NAV2: variants seen among roughly 807,000 people sequenced by gnomAD.
NAV2 encodes helicase, APC down-regulated 1.
In NAV2, 54 loss-of-function variants were observed where a neutral mutation model predicts 223.2. The observed-to-expected ratio is 0.24, with a 90% confidence interval of 0.19 to 0.30. The LOEUF (loss-of-function observed/expected upper bound fraction) is 0.30. NAV2 is among the 10% of genes least tolerant of loss of function. The probability of loss-of-function intolerance (pLI) is 1.00; values close to 1 mark genes in which losing one functional copy is unlikely to be tolerated. For synonymous variants in NAV2, 1,279 were observed against 1,239.3 expected (o/e 1.03, Z -0.67); for missense variants, 2,806 against 3,147.5 (o/e 0.89, Z 2.60).
chr11:19,896,290 T>C (rs1483767010), intron 6 of NAV2, among the ~76,000 whole-genome samples: 1 of 152,170 alleles, frequency 6.6e-6, no homozygotes, highest in Non-Finnish European at 1.5e-5. Context: ...CTTGCAAAAT[T>C]GAAACTCGGT....
intron 22 of NAV2, among the ~76,000 whole-genome samples, chr11:20,072,037 C>A (rs2059436856): frequency 6.6e-6 from 1 of 152,086 alleles, no homozygotes; most frequent in Non-Finnish European, 1.5e-5. Flanking sequence ...AATAGTATTG[C>A]CTAGGTTTTC....
At position 20,095,637 on chromosome 11, in the gene NAV2, C is replaced by G. The variant is rs963839891; in HGVS notation, c.5917-35C>G. The G allele has an allele frequency of 2.0e-6, 3 of 1,469,026 alleles. No homozygotes were observed. In the East Asian group the frequency reaches 6.8e-5, roughly 34 times the overall value. 91.0% of individuals were successfully genotyped at this position (1,469,026 alleles called of 1,614,324 possible). On this transcript the variant is annotated intron_variant, in intron 29 of 37. Coordinates refer to ENST00000349880, the MANE Select transcript of NAV2 (RefSeq NM_145117.5). ...CTGAACTGAGTCAGAAAAGATCCACCTGTTTTTCACCTGTGTACATTTCCT... is the reference window on the plus strand; with the variant it reads ...CTGAACTGAGTCAGAAAAGATCCACGTGTTTTTCACCTGTGTACATTTCCT...
intron 1 of NAV2, among the ~76,000 whole-genome samples, chr11:19,378,070 C>T (rs1429866697): frequency 6.6e-6 from 1 of 152,168 alleles, no homozygotes; most frequent in Non-Finnish European, 1.5e-5. Flanking sequence ...CAAACAGCTC[C>T]TCTCCAGAGA....
At chr11:19,554,322 G>A (rs1049315624) in intron 1 of NAV2, among the ~76,000 whole-genome samples, 1 of 152,220 alleles carries the variant, frequency 6.6e-6, no homozygotes, top group Non-Finnish European at 1.5e-5. Context: ...AGCCAGGATT[G>A]AGTTTGGGCT....
chr11:19,503,510 G>A (rs371703439), intron 1 of NAV2: 1 of 152,128 alleles, frequency 6.6e-6, no homozygotes, highest in Non-Finnish European at 1.5e-5. Context: ...GGTCTCCATA[G>A]TTTGGCCTTC....
chr11:20,071,501 T>C (rs1169580236), intron 22 of NAV2, among the ~76,000 whole-genome samples: 1 of 152,194 alleles, frequency 6.6e-6, no homozygotes, highest in African/African-American at 2.4e-5. Flanking sequence ...CTGGGTCAAA[T>C]GGTATTTCTA....
At chr11:19,478,153 C>T (rs1027820103) in intron 1 of NAV2, among the ~76,000 whole-genome samples, 2 of 152,168 alleles carry the variant, frequency 1.3e-5, no homozygotes, top group Admixed American at 6.5e-5. Context: ...AGAAAGTGGG[C>T]AGGTGCCAGG....
chr11:19,447,903 C>T (rs1440727132), intron 1 of NAV2, among the ~76,000 whole-genome samples: 1 of 152,120 alleles, frequency 6.6e-6, no homozygotes, highest in East Asian at 1.9e-4. Context: ...CCATGCTCAC[C>T]CCCAGCTCCC....
intron 28 of NAV2, 22 bp downstream of exon 28, chr11:20,092,390 G>A: frequency 6.3e-7 from 1 of 1,599,600 alleles, no homozygotes; most frequent in Non-Finnish European, 8.6e-7. Context: ...ACAGGGTTTG[G>A]GGGCAGGAAT....
At chr11:19,720,614 T>C (rs189521946) in intron 1 of NAV2, among the ~76,000 whole-genome samples, 11 of 152,344 alleles carry the variant, frequency 7.2e-5, no homozygotes, top group Admixed American at 6.5e-4. Context: ...TTGGAAGACT[T>C]TGAACAAAAT....
chr11:19,672,537 G>T (rs551874755), intron 1 of NAV2, among the ~76,000 whole-genome samples: 1 of 152,212 alleles, frequency 6.6e-6, no homozygotes, highest in Non-Finnish European at 1.5e-5. Context: ...CCTCTTGGGG[G>T]TATCCTCAGG....
chr11:19,795,608 T>C (rs140805131), intron 1 of NAV2, among the ~76,000 whole-genome samples: 1 of 152,352 alleles, frequency 6.6e-6, no homozygotes, highest in Non-Finnish European at 1.5e-5. Context: ...CAGAGATTTA[T>C]AAAGTAAGGC....
chr11:20,010,548 C>T (rs982278100), intron 11 of NAV2, among the ~76,000 whole-genome samples: 4 of 152,112 alleles, frequency 2.6e-5, no homozygotes, highest in African/African-American at 4.8e-5. Context: ...TCAAACACGC[C>T]TCTCTGTCTC....
At chr11:19,992,488 G>A (rs2153467739) in intron 11 of NAV2, among the ~76,000 whole-genome samples, 1 of 151,488 alleles carries the variant, frequency 6.6e-6, no homozygotes, top group East Asian at 1.9e-4. Flanking sequence ...ATTCCCTAAT[G>A]TTGCCCAACT....
At chr11:19,540,756 C>A (rs1269576724) in intron 1 of NAV2, among the ~76,000 whole-genome samples, 2 of 152,172 alleles carry the variant, frequency 1.3e-5, no homozygotes, top group Non-Finnish European at 1.5e-5. Flanking sequence ...TCTGGCCAGG[C>A]GTGGTGGTTC....
chr11:19,566,347 G>A (rs1301229980), intron 1 of NAV2, among the ~76,000 whole-genome samples: 1 of 152,076 alleles, frequency 6.6e-6, no homozygotes, highest in African/African-American at 2.4e-5. Context: ...CAAAGTGCTG[G>A]GATTACAGGC....
intron 1 of NAV2, among the ~76,000 whole-genome samples, chr11:19,757,969 A>G (rs968811788): frequency 1.3e-5 from 2 of 152,118 alleles, no homozygotes; most frequent in Non-Finnish European, 2.9e-5. Context: ...TACCATCATC[A>G]TTGCCCAGTT....
At chr11:19,688,012 A>T (rs2049071606) in intron 1 of NAV2, among the ~76,000 whole-genome samples, 2 of 152,186 alleles carry the variant, frequency 1.3e-5, no homozygotes, top group Admixed American at 1.3e-4. Context: ...CTAGCACTGC[A>T]ATCATGCCTG....
intron 1 of NAV2, among the ~76,000 whole-genome samples, chr11:19,673,363 T>C (rs1433508019): frequency 6.6e-6 from 1 of 152,204 alleles, no homozygotes; most frequent in Non-Finnish European, 1.5e-5. Flanking sequence ...AAGAAATAAA[T>C]CCTATTATTA....
Sources: allele counts gnomAD v4.1 joint callset (sites outside exome capture counted in the v4.1 genomes callset), GRCh38; gene constraint gnomAD v4.1.1; transcripts MANE v1.5; gene names NCBI Gene and HGNC (gene_info 2026-07-23, HGNC 2026-07-21).